Variants in NISCH observed in about 807,000 individuals in gnomAD.
The protein encoded by NISCH is I-1 receptor candidate protein.
Under a neutral mutation model 138.4 loss-of-function variants are expected in NISCH, and 55 were observed. The ratio of observed to expected loss-of-function variants is 0.40; its 90% CI spans 0.32 to 0.50. The LOEUF is 0.50. Among genes scored for constraint, NISCH ranks in the 20% least tolerant of loss-of-function variants. The pLI is 0.71. For synonymous variants in NISCH, 860 were observed against 861.5 expected, an observed-to-expected ratio of 1.00 and a Z score of 0.03; for missense variants, 1,643 against 2,005.5, an observed-to-expected ratio of 0.82 and a Z score of 3.45.
At position 52,491,858 on chromosome 3, in the gene NISCH, G is replaced by A. The variant is rs200814538; in HGVS notation, c.3905-14G>A. 6.6e-5 allele frequency: 103 copies of A among 1,570,812 alleles called. 1 individual carries two copies. In the African/African-American group the frequency reaches 1.3e-3, roughly 20 times the overall value. On this transcript the variant is annotated splice_polypyrimidine_tract_variant and intron_variant, in intron 20 of 20. Transcript: ENST00000345716. ...CCGGTTCCAGGCTATAGCCCAGGTG[G>A]CATCTCTCTGCAGGGAAGATGGAGA...
At chr3:52,460,976 C>T (rs371873729) in intron 3 of NISCH, among the ~76,000 whole-genome samples, 5 of 152,286 alleles carry the variant, frequency 3.3e-5, no homozygotes, top group African/African-American at 7.2e-5. Flanking sequence ...CAGTGGCTCA[C>T]GCCTGTAATC....
At chr3:52,472,434 C>G in intron 6 of NISCH, 36 bp downstream of exon 6, 2 of 1,534,118 alleles carry the variant, frequency 1.3e-6, no homozygotes, top group Non-Finnish European at 1.8e-6. Context: ...CTCTCGCTCC[C>G]AACTCAGAGG....
chr3:52,458,434 A>T (rs1404191807), intron 2 of NISCH, among the ~76,000 whole-genome samples: 1 of 152,226 alleles, frequency 6.6e-6, no homozygotes, highest in African/African-American at 2.4e-5. Context: ...ATGTCTCTAA[A>T]GTCTCCAGAT....
intron 6 of NISCH, among the ~76,000 whole-genome samples, chr3:52,473,152 GT>G (rs1205291163): frequency 1.3e-5 from 2 of 152,254 alleles, no homozygotes; most frequent in African/African-American, 4.8e-5. Flanking sequence ...GCACTGGGCT[GT>G]TCCGTCTACA....
intron 7 of NISCH, among the ~76,000 whole-genome samples, chr3:52,475,199 A>G (rs1351784514): frequency 1.3e-5 from 2 of 151,910 alleles, no homozygotes; most frequent in African/African-American, 4.8e-5. Flanking sequence ...TCTTAAAAAA[A>G]AAAAAAAAAA....
Position 52,492,320 on chromosome 3 carries a change from T to A in NISCH, c.4353T>A (p.Phe1451Leu). ...DLMGSVTLDH[F>L]GEVPGGPARA... is the part of the protein sequence containing the mutation. The stretch of plus-strand genomic sequence containing the variant: ...TGGGCAGTGTCACCCTGGACCACTT[T>A]GGGGAGGTGCCAGGTGGCCCGGCTA... Residue 1451 changes from phenylalanine (F) to leucine (L), a missense_variant, in exon 21 of 21, where the codon TTT (phenylalanine) becomes TTA (leucine). Phe to Leu is a conservative substitution (Grantham distance 22, BLOSUM62 0). Transcript: ENST00000345716. 1 of 1,613,430 alleles carries A rather than the reference T, an allele frequency of 6.2e-7. No individual in the cohort carries two copies. The highest frequency in any genetic ancestry group is 8.5e-7 in the Non-Finnish European group (1 of 1,180,038).
intron 7 of NISCH, among the ~76,000 whole-genome samples, chr3:52,475,217 T>G (rs1370360026): frequency 6.6e-6 from 1 of 151,470 alleles, no homozygotes; most frequent in African/African-American, 2.4e-5. Context: ...AAAATTGGAT[T>G]TGGTGAAAAA....
chr3:52,478,183 G>C lies in NISCH; in HGVS notation c.1074G>C (p.Lys358Asn). 6.2e-7 allele frequency: 1 copy of C among 1,614,090 alleles called. No individual in the cohort carries two copies. Among genetic ancestry groups the C allele is most frequent in the Non-Finnish European group, 8.5e-7 (1 of 1,180,008 alleles). ...EGLHTKLGNI[K>N]TLNLAGNLLE... ...TTCACACCAAGCTGGGGAACATCAAGACCTTAAACCTGGCAGGCAACCTCC... is the reference window on the plus strand; with the variant it reads ...TTCACACCAAGCTGGGGAACATCAACACCTTAAACCTGGCAGGCAACCTCC... The change falls in exon 10 of 21, where the codon AAG becomes AAC. Residue 358 changes from lysine to asparagine, a missense_variant. Lys to Asn is a moderately conservative substitution (Grantham distance 94). Transcript: ENST00000345716.
At position 52,492,639 on chromosome 3, in the gene NISCH, T is replaced by A; in HGVS notation, c.*157T>A. On this transcript the variant is annotated 3_prime_UTR_variant, in exon 21 of 21. Coordinates refer to ENST00000345716, the MANE Select transcript of NISCH (RefSeq NM_007184.4). ...ACATGTGTGTGTGTTGTGTTAATTC[T>A]TTCTCATGTTGGGAGTGAGAATGCC... 9.4e-7 allele frequency: 1 copy of A among 1,060,486 alleles called. No individual in the cohort carries two copies. The highest frequency in any genetic ancestry group is 1.8e-5 in the South Asian group (1 of 56,834). The allele number at this position is 1,060,486 out of a possible 1,614,324, so 65.7% of individuals were successfully genotyped here. A position where few individuals can be genotyped will look rare whatever the true frequency, so the allele number is the denominator to read the frequency against.
intron 13 of NISCH, chr3:52,480,739 G>C: frequency 7.0e-7 from 1 of 1,428,130 alleles, no homozygotes; most frequent in South Asian, 1.6e-5. Context: ...CCTCATCTCT[G>C]TGGGGTGACC....
rs759955924 is a variant in NISCH, at chr3:52,478,482, T to C, written c.1207T>C (p.Cys403Arg). The C allele has an allele frequency of 6.8e-6, 11 of 1,614,058 alleles. No individual in the cohort carries two copies. The East Asian group carries it at 2.4e-4, about 36-fold the overall frequency. Residue 403 changes from cysteine to arginine, a missense_variant, in exon 11 of 21, where the codon TGT becomes CGT. Coordinates refer to ENST00000345716, the MANE Select transcript of NISCH (RefSeq NM_007184.4). ...GGTCCGGAGCATAGGCAGCCTCCCG[T>C]GTCTGGAGCACGTGTCTCTGCTGAA... Reference protein sequence around the residue: ...EEVRSIGSLPCLEHVSLLNNP... With the variant: ...EEVRSIGSLPRLEHVSLLNNP...
chr3:52,491,834 C>A, intron 20 of NISCH, 38 bp from the exon 21 acceptor site: 1 of 1,533,170 alleles, frequency 6.5e-7, no homozygotes, highest in Non-Finnish European at 8.8e-7. Flanking sequence ...CACCAGGGGC[C>A]GGTTCCAGGC....
chr3:52,476,496 G>T lies in NISCH; in HGVS notation c.815G>T (p.Gly272Val). The change falls in exon 8 of 21, where the codon GGC becomes GTC. Residue 272 changes from glycine to valine, a missense_variant. Transcript: ENST00000345716. ...ASEFDEWEPEGTTLEGPVTAV... is the reference protein window; with the variant it reads ...ASEFDEWEPEVTTLEGPVTAV... The stretch of plus-strand genomic sequence containing the variant: ...GAATTTGATGAGTGGGAGCCTGAAG[G>T]CACAACCCTAGAAGGCCCTGTGACT... The T allele has an allele frequency of 6.2e-7, 1 of 1,614,048 alleles. No individual in the cohort carries two copies. Among genetic ancestry groups the T allele is most frequent in the Non-Finnish European group, 8.5e-7 (1 of 1,179,982 alleles).
At chr3:52,490,577 C>CTAT in intron 18 of NISCH, 128 bp from the exon 19 acceptor site, 1 of 1,317,538 alleles carries the variant, frequency 7.6e-7, no homozygotes, top group Non-Finnish European at 1.1e-6. Flanking sequence ...AGGGCATTGC[C>CTAT]TATGGGGCTT....
chr3:52,472,026 T>C lies in NISCH; in HGVS notation c.573+49T>C, dbSNP rs1223352939. 2.2e-5 allele frequency: 33 copies of C among 1,525,778 alleles called. No individual in the cohort carries two copies. The East Asian group carries it at 7.0e-4, about 33-fold the overall frequency. 94.5% of individuals were successfully genotyped at this position (1,525,778 alleles called of 1,614,324 possible). ...TGGAGAGCCCCGCAGTCGGTGGGGGTGCAACCTGCGGGGGACTGGCTGGCA... is the reference window on the plus strand; with the variant it reads ...TGGAGAGCCCCGCAGTCGGTGGGGGCGCAACCTGCGGGGGACTGGCTGGCA... On this transcript the variant is annotated intron_variant, in intron 5 of 20. Transcript: ENST00000345716.
intron 6 of NISCH, among the ~76,000 whole-genome samples, chr3:52,472,767 C>A (rs191649617): frequency 6.6e-6 from 1 of 152,190 alleles, no homozygotes; most frequent in African/African-American, 2.4e-5. Flanking sequence ...TTCCCAAGGC[C>A]GATTGGCAAA....
intron 4 of NISCH, chr3:52,471,551 G>C (rs934323241): frequency 1.8e-6 from 1 of 556,148 alleles, no homozygotes; most frequent in African/African-American, 1.9e-5. Context: ...CTTTGGTCTC[G>C]ACTCGGCCTC....
At chr3:52,484,034 G>A (rs565492662) in intron 13 of NISCH, among the ~76,000 whole-genome samples, 2 of 152,334 alleles carry the variant, frequency 1.3e-5, no homozygotes, top group African/African-American at 2.4e-5. Context: ...TGTTCTATCC[G>A]CTGGCCGTTC....
chr3:52,468,330 T>G (rs1298572940), intron 3 of NISCH, among the ~76,000 whole-genome samples: 1 of 152,196 alleles, frequency 6.6e-6, no homozygotes. Flanking sequence ...TCTCCTGAGA[T>G]AACTGTAAGA....
Sources: allele counts gnomAD v4.1 joint callset (sites outside exome capture counted in the v4.1 genomes callset), GRCh38; gene constraint gnomAD v4.1.1; transcripts MANE v1.5; gene names NCBI Gene and HGNC (gene_info 2026-07-23, HGNC 2026-07-21).